KLRG1: variants seen among roughly 807,000 people sequenced by gnomAD.
KLRG1 encodes killer cell lectin like receptor G1, also known as killer cell lectin-like receptor subfamily G member 1.
In KLRG1, 16 loss-of-function variants were observed where a neutral mutation model predicts 21.8. The observed-to-expected ratio is 0.73, with a 90% CI of 0.50 to 1.11. KLRG1 has a LOEUF of 1.11. KLRG1 is among the 50% of genes most tolerant of loss of function. The probability of loss-of-function intolerance (pLI) is 0.00; values close to 1 mark genes in which losing one functional copy is unlikely to be tolerated. For synonymous variants in KLRG1, 69 were observed against 75.9 expected, an observed-to-expected ratio of 0.91 and a Z score of 0.47; for missense variants, 173 against 218.3, an observed-to-expected ratio of 0.79 and a Z score of 1.31.
chr12:8,966,714 G>C (rs1406916702), intron 1 of KLRG1, among the ~76,000 whole-genome samples: 1 of 144,352 alleles, frequency 6.9e-6, no homozygotes, highest in Non-Finnish European at 1.5e-5. Flanking sequence ...TGGAGAAATA[G>C]GAACACTTTT....
chr12:9,083,215 G>A, the KLRG1 span, among the ~76,000 whole-genome samples: 1 of 152,020 alleles, frequency 6.6e-6, no homozygotes, highest in African/African-American at 2.4e-5. Context: ...ACAGGAAGGG[G>A]AACATCACAC....
At chr12:8,985,973 G>A (rs1371700577), upstream of KLRG1, among the ~76,000 whole-genome samples, 3 of 152,188 alleles carry the variant, frequency 2.0e-5, no homozygotes, top group Non-Finnish European at 4.4e-5. Context: ...CAGATGAAAG[G>A]AGGGCAGAAG....
the KLRG1 span, among the ~76,000 whole-genome samples, chr12:9,035,620 C>A: frequency 4.0e-4 from 60 of 151,498 alleles, no homozygotes; most frequent in African/African-American, 1.5e-3. Context: ...ACAGAACTAC[C>A]ATTCAACTCA....
the KLRG1 span, chr12:9,077,215 T>C: frequency 1.1e-6 from 1 of 918,902 alleles, no homozygotes; most frequent in Non-Finnish European, 1.6e-6. Flanking sequence ...TCTGTAGATC[T>C]GGGAAGCACT....
the KLRG1 span, among the ~76,000 whole-genome samples, chr12:9,176,041 A>G: frequency 6.6e-6 from 1 of 152,242 alleles, no homozygotes; most frequent in African/African-American, 2.4e-5. Context: ...CACGATAGCA[A>G]AGACATGGAA....
the KLRG1 span, chr12:9,149,707 A>G: frequency 1.0e-6 from 1 of 1,000,282 alleles, no homozygotes; most frequent in Non-Finnish European, 1.5e-6. Context: ...ACGCCCTATC[A>G]GAATTGTCAA....
the KLRG1 span, among the ~76,000 whole-genome samples, chr12:9,177,270 T>C: frequency 6.6e-6 from 1 of 152,186 alleles, no homozygotes; most frequent in Admixed American, 6.5e-5. Context: ...AGAAAATCAG[T>C]TGTCACATTG....
the KLRG1 span, chr12:9,029,197 G>A: frequency 5.2e-6 from 1 of 193,348 alleles, no homozygotes. Context: ...TACATTGTGT[G>A]TGTTTTTTAA....
chr12:9,160,553 A>C, the KLRG1 span: 1 of 1,467,006 alleles, frequency 6.8e-7, no homozygotes, highest in Non-Finnish European at 9.3e-7. Context: ...AACATTATTA[A>C]CAAAAATGGC....
chr12:9,151,494 A>C, the KLRG1 span: 1 of 788,540 alleles, frequency 1.3e-6, no homozygotes, highest in South Asian at 2.2e-5. Context: ...ACCTTTCTGG[A>C]AGGGCATTAC....
intron 3 of KLRG1, among the ~76,000 whole-genome samples, chr12:9,003,970 T>TG (rs1402813492): frequency 6.6e-6 from 1 of 151,900 alleles, no homozygotes; most frequent in Non-Finnish European, 1.5e-5. Context: ...TTTTTGTCCT[T>TG]GCGATAGTTT....
At chr12:8,954,874 T>TCAGAA (rs1214400229) in intron 1 of KLRG1, among the ~76,000 whole-genome samples, 1 of 152,216 alleles carries the variant, frequency 6.6e-6, no homozygotes, top group Non-Finnish European at 1.5e-5. Flanking sequence ...TTCTGGTTTC[T>TCAGAA]CTTGTTAAGG....
chr12:9,113,471 G>A, the KLRG1 span: 4 of 1,613,884 alleles, frequency 2.5e-6, no homozygotes, highest in South Asian at 2.2e-5. Context: ...TCTCATTCAG[G>A]TAGCTCAGAA....
the KLRG1 span, chr12:9,074,689 T>A: frequency 6.2e-7 from 1 of 1,614,010 alleles, no homozygotes; most frequent in Non-Finnish European, 8.5e-7. Flanking sequence ...GCACATAGGA[T>A]GTCATCTCCA....
the KLRG1 span, among the ~76,000 whole-genome samples, chr12:9,162,975 A>G: frequency 1.5e-4 from 23 of 152,234 alleles, no homozygotes; most frequent in Admixed American, 8.5e-4. Flanking sequence ...GCTCGCCTCC[A>G]TGTGTCTATG....
chr12:9,180,091 T>G, the KLRG1 span, among the ~76,000 whole-genome samples: 1 of 152,204 alleles, frequency 6.6e-6, no homozygotes, highest in African/African-American at 2.4e-5. Flanking sequence ...GTGGTACGTA[T>G]TTTTACTGTT....
chr12:9,061,301 A>G, the KLRG1 span, among the ~76,000 whole-genome samples: 1 of 151,792 alleles, frequency 6.6e-6, no homozygotes, highest in East Asian at 1.9e-4. Flanking sequence ...TTTAATAGAG[A>G]TGGGGCCTTG....
At chr12:9,110,065 A>C in the KLRG1 span, 3 of 1,585,866 alleles carry the variant, frequency 1.9e-6, no homozygotes, top group East Asian at 6.7e-5. Context: ...ATAACTTACA[A>C]AAGCACCTGG....
chr12:9,193,257 G>A, the KLRG1 span, among the ~76,000 whole-genome samples: 1 of 152,004 alleles, frequency 6.6e-6, no homozygotes, highest in East Asian at 1.9e-4. Flanking sequence ...AATGTTTTGC[G>A]CACAATTCTA....
Sources: gnomAD v4.1 joint callset for allele counts (sites outside exome capture counted in the v4.1 genomes callset) on GRCh38, gnomAD v4.1.1 for gene constraint, MANE v1.5 for transcripts, NCBI Gene and HGNC (gene_info 2026-07-23, HGNC 2026-07-21) for gene names.